FRMD4A: variants seen among roughly 807,000 people sequenced by gnomAD.
The protein encoded by FRMD4A is FERM domain-containing protein 4A.
In FRMD4A, 29 loss-of-function variants were observed where a neutral mutation model predicts 129.1. That is an observed-to-expected ratio of 0.22 (90% confidence interval 0.17 to 0.31). The LOEUF (loss-of-function observed/expected upper bound fraction) is 0.31. Among genes scored for constraint, FRMD4A ranks in the 10% least tolerant of loss-of-function variants. The probability of loss-of-function intolerance (pLI) is 1.00; values close to 1 mark genes in which losing one functional copy is unlikely to be tolerated. For missense variants in FRMD4A, 1,272 were observed against 1,375.8 expected, an observed-to-expected ratio of 0.92 and a Z score of 1.19; for synonymous variants, 634 against 571.6, an observed-to-expected ratio of 1.11 and a Z score of -1.56.
chr10:14,131,770 C>T (rs1175272974), intron 2 of FRMD4A, among the ~76,000 whole-genome samples: 1 of 152,092 alleles, frequency 6.6e-6, no homozygotes, highest in Non-Finnish European at 1.5e-5. Context: ...AGACGTCTGG[C>T]CCTTCCTCTC....
chr10:13,813,103 C>G (rs937104686), intron 3 of FRMD4A, among the ~76,000 whole-genome samples: 1 of 152,226 alleles, frequency 6.6e-6, no homozygotes, highest in African/African-American at 2.4e-5. Flanking sequence ...ATAACAAAGG[C>G]TTTGCTGGAT....
rs541047606 is a variant in FRMD4A, at chr10:14,185,591, A to AG, written c.45+144466dup. On this transcript the variant is annotated intron_variant, in intron 2 of 24. Transcript: ENST00000357447. ...GGTTCAATCTCGTCTTGTAAGAAAG[A>AG]GAAACAGGTAGAGAGACAGAAAGGG... Among the ~76,000 whole-genome samples the AG allele has an allele frequency of 9.8e-4, 147 of 149,980 alleles. 1 individual carries two copies. Among genetic ancestry groups the AG allele is most frequent in the South Asian group, 4.2e-3 (20 of 4,716 alleles).
intron 16 of FRMD4A, among the ~76,000 whole-genome samples, chr10:13,673,704 A>G (rs888972265): frequency 6.6e-6 from 1 of 152,212 alleles, no homozygotes; most frequent in African/African-American, 2.4e-5. Flanking sequence ...ATTTAAATAA[A>G]TAAAGACAGC....
chr10:13,766,284 A>G (rs530393015), intron 6 of FRMD4A, among the ~76,000 whole-genome samples: 1 of 152,296 alleles, frequency 6.6e-6, no homozygotes, highest in Admixed American at 6.5e-5. Context: ...CTCTCTCACC[A>G]TAGTTGTTCT....
intron 2 of FRMD4A, among the ~76,000 whole-genome samples, chr10:13,908,659 G>A (rs112836136): frequency 4.6e-5 from 7 of 152,310 alleles, no homozygotes; most frequent in African/African-American, 1.7e-4. Flanking sequence ...TTTGCTCCTA[G>A]CGGTTCCTCT....
At chr10:14,169,108 A>G (rs1448824936) in intron 2 of FRMD4A, among the ~76,000 whole-genome samples, 2 of 5,934 alleles carry the variant, frequency 3.4e-4, no homozygotes, top group Non-Finnish European at 6.3e-4. Flanking sequence ...TATTGGCTTT[A>G]TGGAAAAATT....
At chr10:14,157,421 G>A (rs538577316) in intron 2 of FRMD4A, among the ~76,000 whole-genome samples, 193 of 152,334 alleles carry the variant, frequency 1.3e-3, no homozygotes, top group African/African-American at 4.4e-3. Flanking sequence ...GAGTGGAAGC[G>A]GAGTGGGATT....
At chr10:13,882,368 A>T (rs949244599) in intron 2 of FRMD4A, among the ~76,000 whole-genome samples, 6 of 152,208 alleles carry the variant, frequency 3.9e-5, no homozygotes, top group African/African-American at 1.4e-4. Flanking sequence ...ACGCAGAAAG[A>T]GGAAGCTCGA....
intron 2 of FRMD4A, among the ~76,000 whole-genome samples, chr10:14,065,977 G>A (rs1233128838): frequency 2.0e-5 from 3 of 150,010 alleles, no homozygotes; most frequent in South Asian, 2.1e-4. Flanking sequence ...AGAAAACAAC[G>A]TATGAGGAAG....
At chr10:14,109,583 T>C (rs1564299711) in intron 2 of FRMD4A, among the ~76,000 whole-genome samples, 1 of 152,212 alleles carries the variant, frequency 6.6e-6, no homozygotes, top group African/African-American at 2.4e-5. Flanking sequence ...TTTCCCTTTG[T>C]GTCTAAGCTG....
At chr10:13,796,618 G>A (rs371282122) in intron 4 of FRMD4A, 30 bp from the exon 5 acceptor site, 1 of 1,252,590 alleles carries the variant, frequency 8.0e-7, no homozygotes, top group East Asian at 2.3e-5. Context: ...ATTGGTTAGG[G>A]GTTTGCATTT....
intron 2 of FRMD4A, chr10:14,008,073 C>G: frequency 7.7e-7 from 1 of 1,303,634 alleles, no homozygotes; most frequent in Non-Finnish European, 1.0e-6. Flanking sequence ...TTCAACGCTG[C>G]GCCTTCTCAG....
intron 2 of FRMD4A, among the ~76,000 whole-genome samples, chr10:14,100,901 C>T (rs926158098): frequency 2.0e-5 from 3 of 152,108 alleles, no homozygotes; most frequent in Admixed American, 1.3e-4. Flanking sequence ...ACAGTTTTAA[C>T]TCTGTGTTAA....
chr10:14,283,524 G>A (rs1424894993), intron 2 of FRMD4A, among the ~76,000 whole-genome samples: 2 of 152,114 alleles, frequency 1.3e-5, no homozygotes, highest in Non-Finnish European at 2.9e-5. Context: ...CCAGATAAAA[G>A]AGACTATGAA....
chr10:14,238,750 T>C lies in FRMD4A; in HGVS notation c.45+91308A>G, dbSNP rs186970119. 3.2e-4 allele frequency among the ~76,000 whole-genome samples: 49 copies of C among 152,298 alleles called. No homozygotes were observed. The East Asian group carries it at 6.2e-3, about 19-fold the overall frequency. ...TCCCTGTGTCCATGTGTTCTCACTGTTCAACTCTCATTTATGAGTAATAAT... is the reference window on the plus strand; with the variant it reads ...TCCCTGTGTCCATGTGTTCTCACTGCTCAACTCTCATTTATGAGTAATAAT... On this transcript the variant is annotated intron_variant, in intron 2 of 24. Transcript: ENST00000357447.
rs542576919 is a variant in FRMD4A, at chr10:13,961,997, G to C, written c.46-103085C>G. Among the ~76,000 whole-genome samples the C allele has an allele frequency of 3.9e-5, 6 of 152,018 alleles. No homozygotes were observed. In the East Asian group the frequency reaches 1.2e-3, roughly 29 times the overall value. On this transcript the variant is annotated intron_variant, in intron 2 of 24. Coordinates refer to ENST00000357447, the MANE Select transcript of FRMD4A (RefSeq NM_018027.5). ...TTGCTCAATGTCTGGTACATAGAGGGTGTTCATTAGTTATTTGTTAGATAA... is the reference window on the plus strand; with the variant it reads ...TTGCTCAATGTCTGGTACATAGAGGCTGTTCATTAGTTATTTGTTAGATAA...
chr10:13,705,144 C>T (rs1481636224), intron 13 of FRMD4A, among the ~76,000 whole-genome samples: 1 of 152,186 alleles, frequency 6.6e-6, no homozygotes, highest in Non-Finnish European at 1.5e-5. Flanking sequence ...AAGACCCTGC[C>T]TCCGACTTCC....
chr10:14,255,973 T>C (rs531786437), intron 2 of FRMD4A, among the ~76,000 whole-genome samples: 2 of 137,900 alleles, frequency 1.5e-5, no homozygotes, highest in East Asian at 4.1e-4. Flanking sequence ...GCCACTGCAC[T>C]CCACCCTGGG....
At chr10:14,102,028 A>C (rs1378548448) in intron 2 of FRMD4A, among the ~76,000 whole-genome samples, 5 of 152,216 alleles carry the variant, frequency 3.3e-5, no homozygotes, top group Non-Finnish European at 5.9e-5. Flanking sequence ...CTTTTTGGGA[A>C]TAGAAGATGC....
Sources: gnomAD v4.1 joint callset for allele counts (sites outside exome capture counted in the v4.1 genomes callset) on GRCh38, gnomAD v4.1.1 for gene constraint, MANE v1.5 for transcripts, NCBI Gene and HGNC (gene_info 2026-07-23, HGNC 2026-07-21) for gene names.